Variants in ERBB4 observed in about 807,000 individuals in gnomAD.
The protein encoded by ERBB4 is receptor tyrosine-protein kinase erbB-4.
ERBB4 carries 42 observed loss-of-function variants against 158.0 expected under a neutral mutation model. The observed-to-expected ratio is 0.27, with a 90% CI of 0.21 to 0.34. The LOEUF (loss-of-function observed/expected upper bound fraction) is 0.34, where lower values mean the gene tolerates loss of function less well. Among genes scored for constraint, ERBB4 ranks in the 10% least tolerant of loss-of-function variants. The pLI is 1.00. For synonymous variants in ERBB4, 583 were observed against 558.7 expected (o/e 1.04, Z -0.61); for missense variants, 1,333 against 1,624.1 (o/e 0.82, Z 3.08).
chr2:211,709,194 T>C lies in ERBB4; in HGVS notation c.1124+2856A>G, dbSNP rs184827410. Among the ~76,000 whole-genome samples the C allele has an allele frequency of 2.0e-5, 3 of 149,446 alleles. No homozygotes were observed. In the East Asian group the frequency reaches 5.9e-4, roughly 29 times the overall value. On this transcript the variant is annotated intron_variant, in intron 9 of 27. Coordinates refer to ENST00000342788, the MANE Select transcript of ERBB4 (RefSeq NM_005235.3). ...ATTGCATTTATTTATTAAACTTTCC[T>C]CCACTCTGGGCCGGAGGTGACTATA... is the stretch of plus-strand genomic sequence containing the variant.
chr2:211,787,796 G>A (rs1472294204), intron 4 of ERBB4, among the ~76,000 whole-genome samples: 1 of 152,058 alleles, frequency 6.6e-6, no homozygotes, highest in Non-Finnish European at 1.5e-5. Flanking sequence ...ATTAAGCAAA[G>A]AGGAACATGT....
intron 3 of ERBB4, among the ~76,000 whole-genome samples, chr2:211,821,566 C>A (rs749410908): frequency 1.3e-5 from 2 of 151,608 alleles, no homozygotes; most frequent in Non-Finnish European, 3.0e-5. Flanking sequence ...ACAAAACAAT[C>A]CTGATCAAAA....
intron 1 of ERBB4, among the ~76,000 whole-genome samples, chr2:212,402,276 T>C (rs1380815289): frequency 2.6e-5 from 4 of 152,164 alleles, no homozygotes; most frequent in Non-Finnish European, 5.9e-5. Context: ...CCATACTTTA[T>C]TATCTATTTA....
At chr2:211,595,105 G>C (rs2068591757) in intron 19 of ERBB4, among the ~76,000 whole-genome samples, 1 of 152,094 alleles carries the variant, frequency 6.6e-6, no homozygotes, top group African/African-American at 2.4e-5. Flanking sequence ...TTGAGAATAA[G>C]AAAGATTCAA....
chr2:211,676,474 A>T (rs1478630761), intron 13 of ERBB4, among the ~76,000 whole-genome samples: 1 of 152,206 alleles, frequency 6.6e-6, no homozygotes, highest in Non-Finnish European at 1.5e-5. Context: ...AATGAGATAG[A>T]AACTGGTGTA....
intron 1 of ERBB4, among the ~76,000 whole-genome samples, chr2:212,444,885 A>G (rs1214541548): frequency 1.3e-5 from 2 of 151,988 alleles, no homozygotes; most frequent in Non-Finnish European, 2.9e-5. Context: ...TGGAAAGGGC[A>G]GAGGTTTGTC....
chr2:212,433,313 AAAG>A (rs1456414865), intron 1 of ERBB4, among the ~76,000 whole-genome samples: 5 of 152,026 alleles, frequency 3.3e-5, no homozygotes, highest in Non-Finnish European at 7.4e-5. Context: ...AATCTGTATA[AAAG>A]AAGAGAAAAT....
chr2:212,473,278 C>T (rs1357129838), intron 1 of ERBB4, among the ~76,000 whole-genome samples: 1 of 151,934 alleles, frequency 6.6e-6, no homozygotes, highest in Non-Finnish European at 1.5e-5. Context: ...TTGATAATCA[C>T]TGCAATGGGA....
intron 2 of ERBB4, among the ~76,000 whole-genome samples, chr2:212,061,044 C>A (rs1021051097): frequency 4.0e-5 from 6 of 151,442 alleles, no homozygotes; most frequent in Non-Finnish European, 7.4e-5. Flanking sequence ...TAATTGAGGT[C>A]ACTTAAAAGT....
At chr2:212,188,204 CTCTCTCTCTCTCTCTCTCTCTCTCTCTCT>C in intron 1 of ERBB4, among the ~76,000 whole-genome samples, 1 of 26,940 alleles carries the variant, frequency 3.7e-5, no homozygotes, top group Admixed American at 4.7e-4. Flanking sequence ...CTCTCTCTCT[CTCTCTCTCTCTCTCTCTCTCTCTCTCTCT>C]CCCCCCCCCT....
At chr2:211,969,424 G>A (rs1162657222) in intron 2 of ERBB4, among the ~76,000 whole-genome samples, 2 of 152,024 alleles carry the variant, frequency 1.3e-5, no homozygotes, top group African/African-American at 4.8e-5. Flanking sequence ...TATGCTAATT[G>A]TATAGTGAAC....
At chr2:211,772,143 C>T (rs1040132367) in intron 4 of ERBB4, among the ~76,000 whole-genome samples, 1 of 152,022 alleles carries the variant, frequency 6.6e-6, no homozygotes, top group African/African-American at 2.4e-5. Context: ...TGGTGTGATA[C>T]CTGGACATCT....
intron 1 of ERBB4, among the ~76,000 whole-genome samples, chr2:212,231,405 G>T (rs1245136703): frequency 1.3e-5 from 2 of 152,252 alleles, no homozygotes; most frequent in South Asian, 4.1e-4. Flanking sequence ...TTAAAAAGAA[G>T]AAAATATTTT....
intron 3 of ERBB4, among the ~76,000 whole-genome samples, chr2:211,915,563 A>G (rs2079666233): frequency 6.6e-6 from 1 of 151,938 alleles, no homozygotes; most frequent in Non-Finnish European, 1.5e-5. Flanking sequence ...ACTCTATACA[A>G]TGACCAATGA....
At chr2:212,141,414 T>C (rs1303594318) in intron 1 of ERBB4, among the ~76,000 whole-genome samples, 1 of 151,948 alleles carries the variant, frequency 6.6e-6, no homozygotes, top group Non-Finnish European at 1.5e-5. Context: ...GTAAAGAAAA[T>C]AGGTGCAAGT....
At chr2:212,076,524 TGAGA>T (rs1190387443) in intron 2 of ERBB4, among the ~76,000 whole-genome samples, 1 of 151,770 alleles carries the variant, frequency 6.6e-6, no homozygotes, top group East Asian at 1.9e-4. Flanking sequence ...TGTGGTTTAA[TGAGA>T]GAGAGAGAAA....
intron 20 of ERBB4, among the ~76,000 whole-genome samples, chr2:211,509,606 A>G (rs1039142245): frequency 1.3e-5 from 2 of 152,138 alleles, no homozygotes; most frequent in Non-Finnish European, 1.5e-5. Context: ...TGGGACCACA[A>G]TTAAACTAGA....
At chr2:212,077,974 A>T (rs1314223097) in intron 2 of ERBB4, among the ~76,000 whole-genome samples, 1 of 152,008 alleles carries the variant, frequency 6.6e-6, no homozygotes, top group Admixed American at 6.6e-5. Flanking sequence ...TAATTCAATC[A>T]CCACATTCTT....
intron 20 of ERBB4, among the ~76,000 whole-genome samples, chr2:211,433,180 CAAAAG>C (rs2063779166): frequency 6.6e-6 from 1 of 152,096 alleles, no homozygotes; most frequent in South Asian, 2.1e-4. Flanking sequence ...AAACTGAAAA[CAAAAG>C]AAGAGGCAGG....
Sources: gnomAD v4.1 joint callset for allele counts (sites outside exome capture counted in the v4.1 genomes callset) on GRCh38, gnomAD v4.1.1 for gene constraint, MANE v1.5 for transcripts, NCBI Gene and HGNC (gene_info 2026-07-23, HGNC 2026-07-21) for gene names.